NDUFAF6: variants seen among roughly 807,000 people sequenced by gnomAD.
The protein encoded by NDUFAF6 is NADH dehydrogenase (ubiquinone) complex I, assembly factor 6.
A neutral mutation model predicts 40.8 loss-of-function variants in NDUFAF6; 45 were observed. That is an observed-to-expected ratio of 1.10 (90% CI 0.87 to 1.42). NDUFAF6 has a LOEUF of 1.42. NDUFAF6 is among the 40% of genes most tolerant of loss of function. The pLI, the probability that NDUFAF6 is intolerant of heterozygous loss-of-function variation, is 0.00. For synonymous variants in NDUFAF6, 185 were observed against 155.9 expected (o/e 1.19, Z -1.39); for missense variants, 435 against 418.5 (o/e 1.04, Z -0.34).
At chr8:94,955,532 G>A (rs187508057), upstream of NDUFAF6, among the ~76,000 whole-genome samples, 394 of 152,320 alleles carry the variant, frequency 2.6e-3, 1 homozygote, top group Non-Finnish European at 4.1e-3. Context: ...TGGGGAACAC[G>A]TTCAAACTAT....
At chr8:94,956,296 G>A (rs570387605), upstream of NDUFAF6, among the ~76,000 whole-genome samples, 16 of 152,322 alleles carry the variant, frequency 1.1e-4, no homozygotes, top group Non-Finnish European at 1.9e-4. Context: ...TATAAGCTGG[G>A]GGGTCAAGGA....
intron 4 of NDUFAF6, among the ~76,000 whole-genome samples, chr8:95,041,828 G>A (rs1398911282): frequency 6.6e-6 from 1 of 152,032 alleles, no homozygotes; most frequent in African/African-American, 2.4e-5. Flanking sequence ...CCAAGGCAGA[G>A]GCATGTGTAT....
downstream of NDUFAF6, among the ~76,000 whole-genome samples, chr8:95,060,568 G>A (rs1832547609): frequency 6.6e-6 from 1 of 152,174 alleles, no homozygotes; most frequent in South Asian, 2.1e-4. Context: ...CGAACAGGTG[G>A]TGTACTTCGC....
intron 2 of NDUFAF6, among the ~76,000 whole-genome samples, chr8:94,984,715 A>C (rs573766234): frequency 6.6e-6 from 1 of 152,332 alleles, no homozygotes; most frequent in East Asian, 1.9e-4. Flanking sequence ...TTTATGTCTA[A>C]AAGCAGATGT....
intron 8 of NDUFAF6, among the ~76,000 whole-genome samples, chr8:95,054,704 G>A (rs1316541780): frequency 6.6e-6 from 1 of 152,140 alleles, no homozygotes; most frequent in African/African-American, 2.4e-5. Context: ...CACAGTGCTG[G>A]GATTACAGGC....
chr8:94,903,223 G>A (rs1248631117), intron 1 of NDUFAF6, among the ~76,000 whole-genome samples: 1 of 152,074 alleles, frequency 6.6e-6, no homozygotes, highest in Admixed American at 6.5e-5. Context: ...AGCTGGGTGT[G>A]GTGGTGTGCC....
intron 1 of NDUFAF6, among the ~76,000 whole-genome samples, chr8:94,899,240 C>A (rs1333939166): frequency 6.6e-6 from 1 of 152,184 alleles, no homozygotes; most frequent in Non-Finnish European, 1.5e-5. Flanking sequence ...GTTTTAAAAA[C>A]AATTTTATTG....
At chr8:95,091,285 C>T (rs1372749244) in intron 2 of NDUFAF6, among the ~76,000 whole-genome samples, 2 of 151,930 alleles carry the variant, frequency 1.3e-5, no homozygotes, top group African/African-American at 2.4e-5. Flanking sequence ...GCAAAGGGGA[C>T]CTTCTCACAT....
At chr8:95,045,496 TA>T (rs764181433) in intron 4 of NDUFAF6, 48 bp from the exon 5 acceptor site, 20 of 1,382,194 alleles carry the variant, frequency 1.4e-5, no homozygotes, top group Non-Finnish European at 2.0e-5. Context: ...CTTTTCTTTC[TA>T]AAATATTGAC....
chr8:94,904,204 C>T (rs994112445), intron 1 of NDUFAF6, among the ~76,000 whole-genome samples: 4 of 151,098 alleles, frequency 2.6e-5, no homozygotes, highest in Admixed American at 1.3e-4. Context: ...AGTGCAGTGG[C>T]GCGATCTCGG....
intron 9 of NDUFAF6, among the ~76,000 whole-genome samples, chr8:95,069,797 A>T (rs1057391085): frequency 7.0e-6 from 1 of 142,776 alleles, no homozygotes; most frequent in Non-Finnish European, 1.5e-5. Flanking sequence ...AAAAAAAATT[A>T]TATATATATA....
At chr8:95,038,984 T>G (rs113287281) in intron 3 of NDUFAF6, among the ~76,000 whole-genome samples, 2,648 of 122,948 alleles carry the variant, frequency 0.022, 76 homozygotes, top group African/African-American at 0.064. Context: ...TTTGTGTTTG[T>G]TTTTTTTTTT....
chr8:94,924,402 G>C (rs1563713028), intron 1 of NDUFAF6, among the ~76,000 whole-genome samples: 1 of 152,152 alleles, frequency 6.6e-6, no homozygotes, highest in Admixed American at 6.5e-5. Flanking sequence ...CTCTATTGTG[G>C]GGATGTGTTA....
chr8:95,116,911 T>C (rs1326694913), downstream of NDUFAF6, among the ~76,000 whole-genome samples: 1 of 152,246 alleles, frequency 6.6e-6, no homozygotes, highest in East Asian at 1.9e-4. Context: ...CTCTTTGTTC[T>C]GGCTTCCACT....
exon 10 of NDUFAF6, chr8:95,076,047 G>T: frequency 5.9e-6 from 1 of 170,004 alleles, no homozygotes; most frequent in Non-Finnish European, 1.3e-5. Flanking sequence ...TATCATAAAA[G>T]GGCTCAATTT....
chr8:95,000,323 A>T (rs1301563720), intron 2 of NDUFAF6, among the ~76,000 whole-genome samples: 1 of 152,046 alleles, frequency 6.6e-6, no homozygotes, highest in Non-Finnish European at 1.5e-5. Context: ...GGTAACAGGA[A>T]TGAAACCCTG....
chr8:94,956,155 G>C (rs528136772), upstream of NDUFAF6, among the ~76,000 whole-genome samples: 2 of 152,220 alleles, frequency 1.3e-5, no homozygotes, highest in Non-Finnish European at 2.9e-5. Flanking sequence ...GCCTCCTTCA[G>C]TGGTTCCGAG....
exon 2 of NDUFAF6, chr8:94,945,539 T>C (rs2131388992): frequency 6.6e-6 from 1 of 152,342 alleles, no homozygotes; most frequent in East Asian, 1.9e-4. Context: ...CCAGAGACTG[T>C]CCCTGCCCAG....
intron 2 of NDUFAF6, among the ~76,000 whole-genome samples, chr8:95,082,760 C>A (rs1036714524): frequency 6.6e-6 from 1 of 151,608 alleles, no homozygotes; most frequent in Non-Finnish European, 1.5e-5. Context: ...CCCGGGTTCA[C>A]GCCATTCTCC....
Sources: allele counts gnomAD v4.1 joint callset (sites outside exome capture counted in the v4.1 genomes callset), GRCh38; gene constraint gnomAD v4.1.1; transcripts MANE v1.5; gene names NCBI Gene and HGNC (gene_info 2026-07-23, HGNC 2026-07-21).